Variants in CHODL observed in about 807,000 individuals in gnomAD.
The protein encoded by CHODL is transmembrane protein MT75.
Under a neutral mutation model 34.5 loss-of-function variants are expected in CHODL, and 29 were observed. The observed-to-expected ratio is 0.84, with a 90% CI of 0.63 to 1.15. The LOEUF (loss-of-function observed/expected upper bound fraction) is 1.15. CHODL is among the 50% of genes most tolerant of loss of function. CHODL has a pLI of 0.00. For missense variants in CHODL, 332 were observed against 332.5 expected (o/e 1.00, Z 0.01); for synonymous variants, 125 against 116.1 (o/e 1.08, Z -0.49).
At chr21:18,182,931 A>C (rs2824690) in intron 2 of CHODL, among the ~76,000 whole-genome samples, 25,862 of 152,150 alleles carry the variant, frequency 0.17, 2,917 homozygotes, top group South Asian at 0.34. Context: ...AAGTATATGG[A>C]GGTAGGCCAA....
intron 1 of CHODL, among the ~76,000 whole-genome samples, chr21:17,969,425 A>G (rs2063597173): frequency 6.6e-6 from 1 of 152,260 alleles, no homozygotes; most frequent in Non-Finnish European, 1.5e-5. Flanking sequence ...GCCATTTTAA[A>G]TAACAGGTAT....
chr21:17,973,817 A>T (rs73890849), intron 1 of CHODL, among the ~76,000 whole-genome samples: 1 of 151,156 alleles, frequency 6.6e-6, no homozygotes, highest in East Asian at 1.9e-4. Flanking sequence ...AAAAAAAAAA[A>T]GGACCTCAGA....
chr21:18,211,452 T>C (rs1172479659), intron 2 of CHODL, among the ~76,000 whole-genome samples: 1 of 152,118 alleles, frequency 6.6e-6, no homozygotes, highest in Non-Finnish European at 1.5e-5. Flanking sequence ...GGCCCAGCAA[T>C]GAGTCCAAAA....
chr21:18,087,824 A>G (rs1257523306), intron 2 of CHODL, among the ~76,000 whole-genome samples: 1 of 152,152 alleles, frequency 6.6e-6, no homozygotes, highest in Non-Finnish European at 1.5e-5. Flanking sequence ...TACTACAAAG[A>G]CATACCTGAG....
At chr21:18,006,941 A>G (rs2063966402) in intron 1 of CHODL, among the ~76,000 whole-genome samples, 1 of 152,238 alleles carries the variant, frequency 6.6e-6, no homozygotes, top group African/African-American at 2.4e-5. Flanking sequence ...GATGTTGCAG[A>G]TGCAACTGTG....
At chr21:18,015,016 TGAG>T (rs1049748899) in intron 1 of CHODL, among the ~76,000 whole-genome samples, 11 of 152,270 alleles carry the variant, frequency 7.2e-5, no homozygotes, top group East Asian at 1.9e-4. Flanking sequence ...GACAGGCATA[TGAG>T]GAGAAGTTTG....
At chr21:17,940,547 T>C (rs2063354302) in intron 1 of CHODL, among the ~76,000 whole-genome samples, 1 of 152,208 alleles carries the variant, frequency 6.6e-6, no homozygotes, top group Non-Finnish European at 1.5e-5. Flanking sequence ...TTATAAATAG[T>C]AACTGGGAGG....
At chr21:18,019,905 T>C (rs913598442) in intron 1 of CHODL, among the ~76,000 whole-genome samples, 7 of 152,008 alleles carry the variant, frequency 4.6e-5, no homozygotes, top group African/African-American at 1.7e-4. Flanking sequence ...CTCTAAAAGC[T>C]TCTGCTTGGA....
Position 17,999,647 on chromosome 21 carries a change from TA to T in CHODL, c.-144-28221del, listed in dbSNP as rs373997008. ...AAGAAGCAAAAACAGAAACCCCTGA[TA>T]AAAGCCATCAGATCTCATGAGACTT... is the stretch of plus-strand genomic sequence containing the variant. On this transcript the variant is annotated intron_variant, in intron 1 of 6. Coordinates refer to the CHODL transcript ENST00000400127. Among the ~76,000 whole-genome samples the T allele has an allele frequency of 5.5e-3, 844 of 152,288 alleles. 8 individuals carry two copies. The highest frequency in any genetic ancestry group is 0.013 in the African/African-American group (555 of 41,574).
chr21:17,964,277 A>C (rs2063554950), intron 1 of CHODL, among the ~76,000 whole-genome samples: 1 of 152,276 alleles, frequency 6.6e-6, no homozygotes, highest in South Asian at 2.1e-4. Context: ...ATGTAAGCAG[A>C]GTAAAAGGAA....
At position 18,104,169 on chromosome 21, in the gene CHODL, T is replaced by A. The variant is rs148129970; in HGVS notation, c.-45+76198T>A. 2.1e-3 allele frequency among the ~76,000 whole-genome samples: 320 copies of A among 152,242 alleles called. 1 individual carries two copies. Among genetic ancestry groups the A allele is most frequent in the African/African-American group, 7.4e-3 (307 of 41,536 alleles). ...AGTCTCTGAGCATTCAAAATAGCAG[T>A]GAAGTGGGTTTATGCATGGTATGGT... On this transcript the variant is annotated intron_variant, in intron 2 of 6. Transcript: ENST00000400127.
rs114231836 is a variant in CHODL at position 18,216,991 on chromosome 21, C to G, written c.-44-39518C>G. On this transcript the variant is annotated intron_variant, in intron 2 of 6. Coordinates refer to the CHODL transcript ENST00000400127. Reference sequence around the variant, plus strand: ...CCAAACCATATCAGCAGGATTTCATCCTTTTTTATTGCTGAAAAATATTAC... The same window carrying G: ...CCAAACCATATCAGCAGGATTTCATGCTTTTTTATTGCTGAAAAATATTAC... 3.8e-3 allele frequency among the ~76,000 whole-genome samples: 573 copies of G among 152,176 alleles called. 3 individuals are homozygous for G. The highest frequency in any genetic ancestry group is 0.013 in the African/African-American group (524 of 41,538).
At chr21:18,069,386 C>A (rs1054508751) in intron 2 of CHODL, among the ~76,000 whole-genome samples, 16 of 152,000 alleles carry the variant, frequency 1.1e-4, no homozygotes, top group Non-Finnish European at 1.9e-4. Context: ...ATAAATACCA[C>A]CAAATACACT....
In CHODL at chr21:17,925,460, G is replaced by A. The variant is rs114209712; in HGVS notation, c.-145+8060G>A. On this transcript the variant is annotated intron_variant, in intron 1 of 6. Coordinates refer to the CHODL transcript ENST00000400127. ...CATTTGAAGTGTCAGAGGGCAAATA[G>A]GAAAGAATTAAATAACTCATTGATT... Among the ~76,000 whole-genome samples, 1,227 of 152,248 alleles carry A rather than the reference G, an allele frequency of 8.1e-3. 21 individuals are homozygous for A. Among genetic ancestry groups the A allele is most frequent in the African/African-American group, 0.027 (1,134 of 41,542 alleles).
At chr21:18,089,960 G>T (rs1425236230) in intron 2 of CHODL, among the ~76,000 whole-genome samples, 2 of 152,186 alleles carry the variant, frequency 1.3e-5, no homozygotes, top group East Asian at 3.8e-4. Context: ...TGAAAAATGA[G>T]TCCTAAAATA....
intron 1 of CHODL, among the ~76,000 whole-genome samples, chr21:17,944,115 C>A (rs1456527747): frequency 2.0e-5 from 3 of 152,118 alleles, no homozygotes; most frequent in African/African-American, 7.2e-5. Flanking sequence ...AGAACCCACC[C>A]CAACTACCCT....
At chr21:18,159,240 T>C (rs2073068761) in intron 2 of CHODL, among the ~76,000 whole-genome samples, 1 of 152,214 alleles carries the variant, frequency 6.6e-6, no homozygotes, top group East Asian at 1.9e-4. Flanking sequence ...GTCAATATCA[T>C]CAAGGTTGAC....
At chr21:17,968,423 G>A (rs945434032) in intron 1 of CHODL, among the ~76,000 whole-genome samples, 13 of 152,118 alleles carry the variant, frequency 8.5e-5, no homozygotes, top group African/African-American at 2.2e-4. Flanking sequence ...TCTTTTGCAC[G>A]AAAGTGGCTG....
chr21:17,936,403 A>G (rs1364663256), intron 1 of CHODL, among the ~76,000 whole-genome samples: 2 of 152,064 alleles, frequency 1.3e-5, no homozygotes, highest in Admixed American at 6.5e-5. Flanking sequence ...TAGATTTTTA[A>G]TAGGTGGGAG....
Sources: gnomAD v4.1 joint callset for allele counts (sites outside exome capture counted in the v4.1 genomes callset) on GRCh38, gnomAD v4.1.1 for gene constraint, MANE v1.5 for transcripts, NCBI Gene and HGNC (gene_info 2026-07-23, HGNC 2026-07-21) for gene names.